The following OLA1 variants were observed in gnomAD, a reference collection of about 807,000 sequenced individuals.
OLA1 encodes obg-like ATPase 1.
OLA1 carries 14 observed loss-of-function variants against 48.4 expected under a neutral mutation model. The observed-to-expected ratio is 0.29, with a 90% confidence interval of 0.19 to 0.45. The LOEUF (loss-of-function observed/expected upper bound fraction) is 0.45, where lower values mean the gene tolerates loss of function less well. OLA1 is among the 20% of genes least tolerant of loss of function. OLA1 has a pLI of 1.00. For synonymous variants in OLA1, 127 were observed against 150.4 expected (o/e 0.84, Z 1.14); for missense variants, 325 against 467.1 (o/e 0.70, Z 2.80).
chr2:174,128,263 G>A (rs1396266510), intron 5 of OLA1, among the ~76,000 whole-genome samples: 2 of 151,836 alleles, frequency 1.3e-5, no homozygotes, highest in East Asian at 3.9e-4. Context: ...AACTGGGCGT[G>A]GTGGTGTGTG....
intron 4 of OLA1, among the ~76,000 whole-genome samples, chr2:174,207,558 G>C (rs1179614235): frequency 6.6e-6 from 1 of 152,158 alleles, no homozygotes; most frequent in East Asian, 1.9e-4. Context: ...AAGGCCAAGG[G>C]AGAAGTGAAA....
chr2:174,201,450 A>G (rs979230109), intron 4 of OLA1, among the ~76,000 whole-genome samples: 1 of 152,014 alleles, frequency 6.6e-6, no homozygotes, highest in Non-Finnish European at 1.5e-5. Flanking sequence ...TGATCCTCCC[A>G]CCTCAGTAGA....
At chr2:174,194,439 C>G (rs1034147973) in intron 4 of OLA1, among the ~76,000 whole-genome samples, 2 of 152,158 alleles carry the variant, frequency 1.3e-5, no homozygotes, top group East Asian at 3.9e-4. Flanking sequence ...CCCATAGGCA[C>G]TGTATATCCT....
At position 174,123,248 on chromosome 2, in the gene OLA1, C is replaced by A. The variant is rs537427582; in HGVS notation, c.660G>T (p.Leu220Phe). The A allele has an allele frequency of 7.7e-6, 12 of 1,558,080 alleles. No homozygotes were observed. Among genetic ancestry groups the A allele is most frequent in the South Asian group, 1.2e-5 (1 of 86,394 alleles). Residue 220 changes from leucine (L) to phenylalanine (F), a missense_variant, in exon 7 of 11, where the codon TTG becomes TTT. Leu to Phe is a conservative substitution (Grantham distance 22, BLOSUM62 0). Coordinates refer to ENST00000284719, the MANE Select transcript of OLA1 (RefSeq NM_013341.5). ...EIEVLNKHLF[L>F]TSKPMVYLVN... ...CCAAGTAGACCATTGGTTTTGAAGTCAAAAATAAGTGTTTATTCAACACTT... is the reference window on the plus strand; with the variant it reads ...CCAAGTAGACCATTGGTTTTGAAGTAAAAAATAAGTGTTTATTCAACACTT...
At chr2:174,204,082 T>G (rs1688053544) in intron 4 of OLA1, among the ~76,000 whole-genome samples, 1 of 148,798 alleles carries the variant, frequency 6.7e-6, no homozygotes, top group South Asian at 2.3e-4. Context: ...TGTGAGCCAC[T>G]GTGCCCAGCC....
chr2:174,127,169 A>G (rs1686064073), intron 5 of OLA1, among the ~76,000 whole-genome samples: 1 of 152,218 alleles, frequency 6.6e-6, no homozygotes, highest in Admixed American at 6.5e-5. Flanking sequence ...TTCATGTGTG[A>G]CTTGCCTAAA....
intron 4 of OLA1, among the ~76,000 whole-genome samples, chr2:174,161,266 C>T (rs1365968318): frequency 3.9e-5 from 6 of 151,984 alleles, no homozygotes; most frequent in African/African-American, 1.4e-4. Context: ...GTAACAAAAG[C>T]AAACTAACAA....
At chr2:174,228,852 C>T (rs1195318785) in intron 3 of OLA1, among the ~76,000 whole-genome samples, 2 of 151,994 alleles carry the variant, frequency 1.3e-5, no homozygotes, top group Non-Finnish European at 2.9e-5. Flanking sequence ...CTGGGTATAC[C>T]CTTCTACACC....
chr2:174,234,201 C>G (rs1032807179), intron 2 of OLA1, among the ~76,000 whole-genome samples: 1 of 152,174 alleles, frequency 6.6e-6, no homozygotes, highest in East Asian at 1.9e-4. Context: ...TGAATAGTAG[C>G]TACGTTTTCT....
At chr2:174,216,288 G>C (rs1489111144) in intron 4 of OLA1, among the ~76,000 whole-genome samples, 15 of 152,042 alleles carry the variant, frequency 9.9e-5, no homozygotes, top group Admixed American at 6.5e-4. Flanking sequence ...GAGCAACAGA[G>C]CTAAACCCTA....
At chr2:174,191,086 T>C (rs1687766500) in intron 4 of OLA1, among the ~76,000 whole-genome samples, 1 of 152,078 alleles carries the variant, frequency 6.6e-6, no homozygotes, top group African/African-American at 2.4e-5. Flanking sequence ...TTTGTATCCT[T>C]GAAAATTGCT....
At chr2:174,228,342 T>G (rs1270911516) in intron 3 of OLA1, among the ~76,000 whole-genome samples, 1 of 152,170 alleles carries the variant, frequency 6.6e-6, no homozygotes, top group African/African-American at 2.4e-5. Context: ...AATTATTACT[T>G]AAGTCTGTAT....
chr2:174,132,058 T>C (rs1171046089), intron 5 of OLA1, among the ~76,000 whole-genome samples: 1 of 152,084 alleles, frequency 6.6e-6, no homozygotes, highest in African/African-American at 2.4e-5. Flanking sequence ...TAAGACTATT[T>C]ACATTTTTTA....
intron 7 of OLA1, among the ~76,000 whole-genome samples, chr2:174,086,455 G>T (rs1416846384): frequency 1.3e-5 from 2 of 152,008 alleles, no homozygotes; most frequent in African/African-American, 4.8e-5. Flanking sequence ...CTAAACCCTC[G>T]GACAGTACCA....
intron 4 of OLA1, among the ~76,000 whole-genome samples, chr2:174,205,583 C>A (rs1043910964): frequency 1.3e-5 from 2 of 152,308 alleles, no homozygotes; most frequent in South Asian, 4.1e-4. Flanking sequence ...TAACCCCTTA[C>A]CTGTGAGAAA....
At chr2:174,181,759 A>C (rs988112555) in intron 4 of OLA1, among the ~76,000 whole-genome samples, 2 of 152,176 alleles carry the variant, frequency 1.3e-5, no homozygotes, top group African/African-American at 4.8e-5. Context: ...TATTTACTCA[A>C]CTGTCAACTT....
intron 4 of OLA1, among the ~76,000 whole-genome samples, chr2:174,186,269 T>A (rs969330269): frequency 6.6e-6 from 1 of 152,138 alleles, no homozygotes; most frequent in East Asian, 1.9e-4. Flanking sequence ...ATGGAAAAAA[T>A]AAACAAGTAA....
intron 4 of OLA1, among the ~76,000 whole-genome samples, chr2:174,222,020 C>G (rs937581467): frequency 6.6e-5 from 10 of 152,162 alleles, no homozygotes; most frequent in African/African-American, 2.4e-4. Flanking sequence ...CTCAAATTGT[C>G]TGTCATGGGG....
chr2:174,244,724 A>G (rs1405934308), intron 2 of OLA1, among the ~76,000 whole-genome samples: 1 of 151,960 alleles, frequency 6.6e-6, no homozygotes, highest in Non-Finnish European at 1.5e-5. Flanking sequence ...CCCGGGCTCA[A>G]GCTGTTTCTC....
Sources: allele counts gnomAD v4.1 joint callset (sites outside exome capture counted in the v4.1 genomes callset), GRCh38; gene constraint gnomAD v4.1.1; transcripts MANE v1.5; gene names NCBI Gene and HGNC (gene_info 2026-07-23, HGNC 2026-07-21).